Variants in GUCY1A2 observed in about 807,000 individuals in gnomAD.
GUCY1A2 encodes guanylate cyclase soluble subunit alpha-2.
In GUCY1A2, 27 loss-of-function variants were observed where a neutral mutation model predicts 63.5. That is an observed-to-expected ratio of 0.43 (90% CI 0.31 to 0.59). GUCY1A2 has a LOEUF of 0.59. Among genes scored for constraint, GUCY1A2 ranks in the 20% least tolerant of loss-of-function variants. The pLI is 0.11. For synonymous variants in GUCY1A2, 364 were observed against 343.5 expected (o/e 1.06, Z -0.66); for missense variants, 768 against 913.3 (o/e 0.84, Z 2.05).
At chr11:106,891,692 G>A (rs1859976919) in intron 4 of GUCY1A2, among the ~76,000 whole-genome samples, 3 of 151,966 alleles carry the variant, frequency 2.0e-5, no homozygotes, top group Non-Finnish European at 4.4e-5. Flanking sequence ...TTATTGAATT[G>A]CTTTGGTGCC....
intron 6 of GUCY1A2, among the ~76,000 whole-genome samples, chr11:106,713,379 A>G (rs571897788): frequency 1.3e-5 from 2 of 151,508 alleles, no homozygotes; most frequent in South Asian, 4.2e-4. Flanking sequence ...CTGATGAGGG[A>G]TTCTCTATTT....
intron 4 of GUCY1A2, among the ~76,000 whole-genome samples, chr11:106,907,056 C>T (rs546927001): frequency 5.3e-5 from 8 of 152,218 alleles, no homozygotes; most frequent in African/African-American, 1.9e-4. Flanking sequence ...GCACATTCTG[C>T]ACATGTACCC....
At chr11:106,936,233 T>G (rs1283734214) in intron 4 of GUCY1A2, among the ~76,000 whole-genome samples, 2 of 152,188 alleles carry the variant, frequency 1.3e-5, no homozygotes, top group Non-Finnish European at 1.5e-5. Context: ...AACTGCTCAT[T>G]AAGCTGCAAA....
chr11:106,954,037 A>G (rs1418142238), intron 3 of GUCY1A2, among the ~76,000 whole-genome samples: 1 of 151,760 alleles, frequency 6.6e-6, no homozygotes, highest in Non-Finnish European at 1.5e-5. Context: ...GATCTTAGTT[A>G]TCTCTTGTCT....
intron 6 of GUCY1A2, among the ~76,000 whole-genome samples, chr11:106,749,959 G>A (rs957581163): frequency 1.2e-4 from 18 of 152,102 alleles, no homozygotes; most frequent in African/African-American, 4.1e-4. Context: ...ACATAGGAGA[G>A]AGTTTATTAG....
At chr11:106,779,759 T>G (rs978830674) in intron 5 of GUCY1A2, among the ~76,000 whole-genome samples, 1 of 152,238 alleles carries the variant, frequency 6.6e-6, no homozygotes, top group Non-Finnish European at 1.5e-5. Flanking sequence ...CTTAGGAGTA[T>G]GTACTCTAAT....
chr11:106,928,167 C>T (rs937558020), intron 4 of GUCY1A2, among the ~76,000 whole-genome samples: 7 of 152,114 alleles, frequency 4.6e-5, no homozygotes, highest in Non-Finnish European at 8.8e-5. Flanking sequence ...TATATGTTCA[C>T]AGAGAGAAAG....
intron 4 of GUCY1A2, among the ~76,000 whole-genome samples, chr11:106,812,484 T>A (rs765978564): frequency 1.3e-5 from 2 of 151,784 alleles, no homozygotes; most frequent in Non-Finnish European, 2.9e-5. Flanking sequence ...TTTCCATTGG[T>A]TCCTGTTTTC....
At chr11:106,798,310 T>C (rs1314291646) in intron 5 of GUCY1A2, among the ~76,000 whole-genome samples, 1 of 152,046 alleles carries the variant, frequency 6.6e-6, no homozygotes, top group Non-Finnish European at 1.5e-5. Context: ...ACCAGACGGA[T>C]TCACAGCCGA....
intron 3 of GUCY1A2, among the ~76,000 whole-genome samples, chr11:106,976,257 A>G (rs1353597154): frequency 1.3e-5 from 2 of 152,128 alleles, no homozygotes; most frequent in Non-Finnish European, 2.9e-5. Flanking sequence ...CATCCAAAAA[A>G]AAAGGTTCCC....
intron 4 of GUCY1A2, among the ~76,000 whole-genome samples, chr11:106,834,314 C>T (rs1859089654): frequency 6.6e-6 from 1 of 151,946 alleles, no homozygotes; most frequent in Admixed American, 6.6e-5. Context: ...CAGTAATTGT[C>T]TTTCTGTGCC....
chr11:106,797,675 C>A (rs994706232), intron 5 of GUCY1A2, among the ~76,000 whole-genome samples: 26 of 152,076 alleles, frequency 1.7e-4, no homozygotes, highest in South Asian at 2.1e-4. Flanking sequence ...CTACTGGGTA[C>A]ATAATGAAAT....
intron 3 of GUCY1A2, among the ~76,000 whole-genome samples, chr11:106,956,863 T>G (rs931256704): frequency 1.3e-5 from 2 of 152,152 alleles, no homozygotes; most frequent in Non-Finnish European, 2.9e-5. Flanking sequence ...CTGCCTGGAT[T>G]TCTCAGAACT....
chr11:106,720,736 C>T (rs1863301780), intron 6 of GUCY1A2, among the ~76,000 whole-genome samples: 1 of 152,104 alleles, frequency 6.6e-6, no homozygotes, highest in South Asian at 2.1e-4. Context: ...GTAAATCAAA[C>T]TGTCATAACT....
chr11:106,721,759 T>A (rs1217458429), intron 6 of GUCY1A2, among the ~76,000 whole-genome samples: 2 of 152,146 alleles, frequency 1.3e-5, no homozygotes, highest in African/African-American at 4.8e-5. Flanking sequence ...GATGGCAAAA[T>A]TCAAACAATG....
At chr11:106,761,461 A>G (rs1864065211) in intron 6 of GUCY1A2, among the ~76,000 whole-genome samples, 1 of 152,194 alleles carries the variant, frequency 6.6e-6, no homozygotes, top group Non-Finnish European at 1.5e-5. Context: ...GTTTTTTCAG[A>G]CACCAGCAGC....
intron 6 of GUCY1A2, among the ~76,000 whole-genome samples, chr11:106,758,641 C>A (rs1405965540): frequency 6.6e-6 from 1 of 152,168 alleles, no homozygotes; most frequent in Non-Finnish European, 1.5e-5. Context: ...TGAAAGCTCA[C>A]CAGAATATAG....
intron 4 of GUCY1A2, among the ~76,000 whole-genome samples, chr11:106,885,226 C>A (rs965543172): frequency 1.1e-4 from 17 of 152,252 alleles, no homozygotes; most frequent in Admixed American, 2.6e-4. Context: ...TAGTGGGATT[C>A]TCTGATTATT....
At chr11:106,725,339 AT>A (rs1253725508) in intron 6 of GUCY1A2, among the ~76,000 whole-genome samples, 2 of 58,268 alleles carry the variant, frequency 3.4e-5, no homozygotes, top group Non-Finnish European at 7.9e-5. Flanking sequence ...CGCCCGGCTA[AT>A]TTTTTGTATT....
Sources: gnomAD v4.1 joint callset for allele counts (sites outside exome capture counted in the v4.1 genomes callset) on GRCh38, gnomAD v4.1.1 for gene constraint, MANE v1.5 for transcripts, NCBI Gene and HGNC (gene_info 2026-07-23, HGNC 2026-07-21) for gene names.